Variants in CDKL5 observed in about 807,000 individuals in gnomAD.
The protein encoded by CDKL5 is cyclin-dependent kinase-like 5.
In CDKL5, 8 loss-of-function variants were observed where a neutral mutation model predicts 61.7. The observed-to-expected ratio is 0.13, with a 90% CI of 0.08 to 0.23. The LOEUF is 0.23. Among genes scored for constraint, CDKL5 ranks in the 10% least tolerant of loss-of-function variants. The pLI, the probability that CDKL5 is intolerant of heterozygous loss-of-function variation, is 1.00. For missense variants in CDKL5, 440 were observed against 734.5 expected (o/e 0.60, Z 4.63); for synonymous variants, 275 against 272.3 (o/e 1.01, Z -0.10).
downstream of CDKL5, among the ~76,000 whole-genome samples, chrX:18,643,072 C>T (rs1173221916): frequency 1.8e-5 from 2 of 111,069 alleles, no homozygotes; most frequent in Non-Finnish European, 3.8e-5. Context: ...CATAAAAACT[C>T]GAAGGAAGAT....
chrX:18,650,007 A>C, intron 20 of CDKL5: 1 of 244,885 alleles, frequency 4.1e-6, no homozygotes, highest in Admixed American at 5.4e-5. Flanking sequence ...CAGGGCTACT[A>C]GCTCTGAGAG....
chrX:18,532,288 A>G (rs1393771678), intron 3 of CDKL5, among the ~76,000 whole-genome samples: 1 of 111,499 alleles, frequency 9.0e-6, no homozygotes, highest in Non-Finnish European at 1.9e-5. Flanking sequence ...TAAGAACTTT[A>G]TGTAGTTCTT....
At chrX:18,432,729 C>G (rs959146893) in intron 1 of CDKL5, among the ~76,000 whole-genome samples, 4 of 109,318 alleles carry the variant, frequency 3.7e-5, no homozygotes, top group Non-Finnish European at 5.7e-5. Flanking sequence ...ACCTCAGCCT[C>G]CTGAGTAGCT....
At position 18,632,965 on chromosome X, in the gene CDKL5, C is replaced by A. The variant is rs559824660; in HGVS notation, c.*4208C>A. 6.6e-6 allele frequency: 5 copies of A among 752,570 alleles called. No individual in the cohort carries two copies. In the African/African-American group the frequency reaches 1.2e-4, roughly 17 times the overall value. 62.0% of individuals were successfully genotyped at this position (752,570 alleles called of 1,213,427 possible). ...TTTCAAAGGCCAGAGGATTACTTTG[C>A]AAGTGTGTAGAAAGATCTGTCTATT... On this transcript the variant is annotated 3_prime_UTR_variant, in exon 18 of 18. Transcript: ENST00000623535.
At chrX:18,450,479 A>G (rs774785198) in intron 1 of CDKL5, among the ~76,000 whole-genome samples, 1 of 112,328 alleles carries the variant, frequency 8.9e-6, no homozygotes, top group South Asian at 3.6e-4. Context: ...TTGTTCGATG[A>G]AGGACAGTAT....
chrX:18,476,276 T>C (rs939071751), intron 1 of CDKL5, among the ~76,000 whole-genome samples: 2 of 111,472 alleles, frequency 1.8e-5, no homozygotes, highest in African/African-American at 6.5e-5. Flanking sequence ...AGTGCAGTGG[T>C]GTGATCTCAT....
rs933752738 is a variant in CDKL5 at position 18,437,233 on chromosome X, C to T, written c.-163+11538C>T. Among the ~76,000 whole-genome samples the T allele has an allele frequency of 9.8e-5, 11 of 111,690 alleles. No individual in the cohort carries two copies. In the Admixed American group the frequency reaches 1.1e-3, roughly 11 times the overall value. ...TGTAACTCCTTTCTTGATTGATTGT[C>T]GTCTGCGGTACTCCTTTCATTGTTT... On this transcript the variant is annotated intron_variant, in intron 1 of 17. Transcript: ENST00000623535.
chrX:18,591,352 T>C (rs762168285), intron 9 of CDKL5, among the ~76,000 whole-genome samples: 152 of 111,964 alleles, frequency 1.4e-3, no homozygotes, highest in Non-Finnish European at 2.3e-3. Context: ...ATCCAGTGAG[T>C]ATTCACTACA....
intron 1 of CDKL5, among the ~76,000 whole-genome samples, chrX:18,446,620 T>G (rs1208911177): frequency 8.9e-6 from 1 of 111,913 alleles, no homozygotes; most frequent in African/African-American, 3.2e-5. Context: ...CAGTATGTGA[T>G]TTCTGTGGGA....
At chrX:18,433,564 A>T (rs184726580) in intron 1 of CDKL5, among the ~76,000 whole-genome samples, 103 of 112,365 alleles carry the variant, frequency 9.2e-4, no homozygotes, top group African/African-American at 3.3e-3. Flanking sequence ...AAAAAAAAAA[A>T]TTTTCACACA....
At chrX:18,463,108 G>C (rs1224975747) in intron 1 of CDKL5, among the ~76,000 whole-genome samples, 1 of 110,477 alleles carries the variant, frequency 9.1e-6, no homozygotes, top group Non-Finnish European at 1.9e-5. Flanking sequence ...AACACAGCTG[G>C]GATGAGTGAG....
chrX:18,573,312 T>C (rs1925192103), intron 4 of CDKL5, among the ~76,000 whole-genome samples: 1 of 111,713 alleles, frequency 9.0e-6, no homozygotes. Flanking sequence ...TAGAGATAGA[T>C]GGATTTTAGT....
chrX:18,566,961 T>C (rs1439885224), intron 4 of CDKL5, among the ~76,000 whole-genome samples: 1 of 111,682 alleles, frequency 9.0e-6, no homozygotes, highest in Non-Finnish European at 1.9e-5. Context: ...ACGTACCACC[T>C]ACACATACTT....
intron 1 of CDKL5, among the ~76,000 whole-genome samples, chrX:18,427,327 TG>T (rs1306183375): frequency 6.0e-4 from 5 of 8,382 alleles, no homozygotes; most frequent in Non-Finnish European, 1.1e-3. Flanking sequence ...GGGCGGGGGT[TG>T]GGGGGGAGGT....
rs766175554 is a variant in CDKL5, at chrX:18,631,935, C to T, written c.*3178C>T. 1 of 700,489 alleles carries T rather than the reference C, an allele frequency of 1.4e-6. No individual in the cohort carries two copies. The highest frequency in any genetic ancestry group is 2.4e-5 in the African/African-American group (1 of 42,290). The allele number at this position is 700,489 out of a possible 1,213,427, so 57.7% of individuals were successfully genotyped here. A position where few individuals can be genotyped will look rare whatever the true frequency, so the allele number is the denominator to read the frequency against. On this transcript the variant is annotated 3_prime_UTR_variant, in exon 18 of 18. Coordinates refer to ENST00000623535, the MANE Select transcript of CDKL5 (RefSeq NM_001323289.2). Reference sequence around the variant, plus strand: ...CCCCCAAGGGTACATTTGGCAATGTCTGGGGACATTTGGTTGTCATAGCTG... The same window carrying T: ...CCCCCAAGGGTACATTTGGCAATGTTTGGGGACATTTGGTTGTCATAGCTG...
rs886041673 is a variant in CDKL5 at position 18,609,513 on chromosome X, G to A, written c.2095G>A (p.Glu699Lys). Residue 699 changes from glutamate to lysine, a missense_variant, in exon 14 of 18, where the codon GAA becomes AAA. Glu to Lys is a moderately conservative substitution (Grantham distance 56). Coordinates refer to ENST00000623535, the MANE Select transcript of CDKL5 (RefSeq NM_001323289.2). The part of the protein sequence containing the change: ...PHSDDGTAPK[E>K]NRHLYNDPVP... Reference sequence around the variant, plus strand: ...CTCTGATGATGGCACAGCCCCCAAAGAAAATAGACACCTATACAATGATCC... The same window carrying A: ...CTCTGATGATGGCACAGCCCCCAAAAAAAATAGACACCTATACAATGATCC... 1.7e-6 allele frequency: 2 copies of A among 1,212,012 alleles called. No individual in the cohort carries two copies. Among genetic ancestry groups the A allele is most frequent in the Non-Finnish European group, 2.2e-6 (2 of 895,582 alleles).
At chrX:18,456,420 T>A (rs1345356837) in intron 1 of CDKL5, among the ~76,000 whole-genome samples, 1 of 112,424 alleles carries the variant, frequency 8.9e-6, no homozygotes, top group East Asian at 2.8e-4. Flanking sequence ...AAGCTGTTAT[T>A]ATTTATAAAC....
intron 1 of CDKL5, among the ~76,000 whole-genome samples, chrX:18,458,534 A>G (rs1320605668): frequency 9.0e-6 from 1 of 111,189 alleles, no homozygotes; most frequent in Non-Finnish European, 1.9e-5. Flanking sequence ...CTGTGTCTAC[A>G]AAAAATCCCC....
intron 1 of CDKL5, among the ~76,000 whole-genome samples, chrX:18,430,529 C>T (rs1488651674): frequency 9.0e-6 from 1 of 111,419 alleles, no homozygotes; most frequent in African/African-American, 3.3e-5. Context: ...CTGCAACCTC[C>T]GTCTCCTGGG....
Sources: gnomAD v4.1 joint callset for allele counts (sites outside exome capture counted in the v4.1 genomes callset) on GRCh38, gnomAD v4.1.1 for gene constraint, MANE v1.5 for transcripts, NCBI Gene and HGNC (gene_info 2026-07-23, HGNC 2026-07-21) for gene names.